The following RPL30 variants were observed in gnomAD, a reference collection of about 807,000 sequenced individuals.
The protein encoded by RPL30 is ribosomal protein L30.
For missense variants in RPL30, 60 were observed against 138.0 expected (o/e 0.43, Z 2.83); for synonymous variants, 40 against 50.4 (o/e 0.79, Z 0.87).
At chr8:98,042,484 T>C in intron 4 of RPL30, 161 bp downstream of exon 4, 2 of 669,774 alleles carry the variant, frequency 3.0e-6, no homozygotes, top group Non-Finnish European at 5.0e-6. Context: ...TTGGCATTCA[T>C]TACCAATTCT....
intron 3 of RPL30, chr8:98,044,520 CTA>C (rs1157415924): frequency 5.9e-6 from 1 of 168,618 alleles, no homozygotes; most frequent in Admixed American, 6.2e-5. Flanking sequence ...CTAGGTGATT[CTA>C]TGATAGCCTG....
chr8:98,042,378 C>A, intron 4 of RPL30: 1 of 424,950 alleles, frequency 2.4e-6, no homozygotes, highest in Non-Finnish European at 4.3e-6. Flanking sequence ...TCACCTTTTA[C>A]CAAATCTATG....
intron 3 of RPL30, 47 bp from the exon 4 acceptor site, chr8:98,042,822 C>A (rs1814403753): frequency 1.3e-6 from 2 of 1,507,524 alleles, no homozygotes; most frequent in Non-Finnish European, 1.8e-6. Flanking sequence ...TACCAAGTGA[C>A]TGACAGACTA....
At chr8:98,041,959 A>G in intron 4 of RPL30, 109 bp from the exon 5 acceptor site, 1 of 834,090 alleles carries the variant, frequency 1.2e-6, no homozygotes, top group Non-Finnish European at 2.0e-6. Context: ...ATGGTCTGCA[A>G]ATTAGCACTG....
chr8:98,041,887 TTCATTTAA>T (rs1488138353), intron 4 of RPL30, 37 bp from the exon 5 acceptor site: 2 of 1,391,676 alleles, frequency 1.4e-6, no homozygotes, highest in Non-Finnish European at 2.0e-6. Context: ...AATTTTACAA[TTCATTTAA>T]TAGCAACTGG....
At chr8:98,045,246 C>G in intron 2 of RPL30, 101 bp downstream of exon 2, 1 of 1,568,786 alleles carries the variant, frequency 6.4e-7, no homozygotes, top group Non-Finnish European at 8.8e-7. Context: ...CCTCCAAATG[C>G]CAGCAGGCAT....
At chr8:98,045,271 G>A (rs1251644875) in intron 2 of RPL30, 76 bp downstream of exon 2, 3 of 1,600,342 alleles carry the variant, frequency 1.9e-6, no homozygotes, top group Non-Finnish European at 2.6e-6. Context: ...TCACCCCCGT[G>A]GGCTCACATC....
chr8:98,042,509 TAC>T, intron 4 of RPL30, 134 bp downstream of exon 4: 1 of 822,404 alleles, frequency 1.2e-6, no homozygotes, highest in Admixed American at 2.6e-5. Context: ...AAAATACAAC[TAC>T]ACGATATGCC....
At position 98,042,673 on chromosome 8, in the gene RPL30, T is replaced by A; in HGVS notation, c.270A>T (p.Arg90Ser). The A allele has an allele frequency of 6.2e-7, 1 of 1,611,316 alleles. No individual in the cohort carries two copies. The highest frequency in any genetic ancestry group is 8.5e-7 in the Non-Finnish European group (1 of 1,178,842). The change falls in exon 4 of 5, where the codon AGA becomes AGT. Residue 90 changes from arginine (R) to serine (S), a missense_variant. By Grantham distance (110) the Arg-to-Ser change is moderately radical (BLOSUM62 -1). Coordinates refer to ENST00000287038, the MANE Select transcript of RPL30 (RefSeq NM_000989.4). Reference protein sequence around the residue: ...ELGTACGKYYRVCTLAIIDPG... With the variant: ...ELGTACGKYYSVCTLAIIDPG... ...GATCAATGATAGCCAGTGTGCACAC[T>A]CTGTAGTATTTTCCGCATGCTGTGC...
In RPL30 at chr8:98,042,629, GA is replaced by G; in HGVS notation, c.298+15del. The G allele has an allele frequency of 7.2e-7, 1 of 1,385,552 alleles. No homozygotes were observed. Among genetic ancestry groups the G allele is most frequent in the Non-Finnish European group, 1.0e-6 (1 of 990,446 alleles). 85.8% of individuals were successfully genotyped at this position (1,385,552 alleles called of 1,614,324 possible). On this transcript the variant is annotated intron_variant, in intron 4 of 4. Coordinates refer to ENST00000287038, the MANE Select transcript of RPL30 (RefSeq NM_000989.4). ...AAGGCAAAAAAAAAAAAGACTTTAT[GA>G]TTTAAAAAGCATACCTGGATCAATG... is the stretch of plus-strand genomic sequence containing the variant.
intron 3 of RPL30, 53 bp from the exon 4 acceptor site, chr8:98,042,828 G>A: frequency 2.0e-6 from 3 of 1,484,208 alleles, no homozygotes; most frequent in Non-Finnish European, 2.7e-6. Flanking sequence ...GTGACTGACA[G>A]ACTAAATGTT....
chr8:98,045,160 T>A, intron 2 of RPL30, 72 bp from the exon 3 acceptor site: 2 of 1,576,754 alleles, frequency 1.3e-6, no homozygotes, highest in African/African-American at 1.4e-5. Context: ...CCCAGCTTTT[T>A]GAAGCCGAGC....
Position 98,041,756 on chromosome 8 carries a change from T to C in RPL30, c.*45A>G, listed in dbSNP as rs776893366. On this transcript the variant is annotated 3_prime_UTR_variant, in exon 5 of 5. Transcript: ENST00000287038. ...AAGCAAATTTTATTAAAGGAAAATT[T>C]TGCAGGTTTAAGGTTTGCAGGTGAA... 7.6e-7 allele frequency: 1 copy of C among 1,319,892 alleles called. No individual in the cohort carries two copies. Among genetic ancestry groups the C allele is most frequent in the East Asian group, 2.3e-5 (1 of 43,252 alleles). The allele number at this position is 1,319,892 out of a possible 1,614,324, so 81.8% of individuals were successfully genotyped here.
intron 2 of RPL30, 112 bp downstream of exon 2, chr8:98,045,235 C>T (rs987561910): frequency 6.4e-7 from 1 of 1,557,818 alleles, no homozygotes. Flanking sequence ...CCTTCTGGGG[C>T]CCTCCAAATG....
intron 4 of RPL30, chr8:98,042,102 T>G (rs767105993): frequency 1.5e-6 from 1 of 655,292 alleles, no homozygotes; most frequent in South Asian, 1.4e-5. Context: ...CACCAGCATT[T>G]ATAAAACCAG....
chr8:98,041,916 T>C lies in RPL30; in HGVS notation c.299-66A>G, dbSNP rs1814383141. The C allele has an allele frequency of 3.4e-6, 4 of 1,178,242 alleles. No individual in the cohort carries two copies. In the African/African-American group the frequency reaches 4.6e-5, roughly 14 times the overall value. 73.0% of individuals were successfully genotyped at this position (1,178,242 alleles called of 1,614,324 possible). A position where few individuals can be genotyped will look rare whatever the true frequency, so the allele number is the denominator to read the frequency against. On this transcript the variant is annotated intron_variant, in intron 4 of 4. Coordinates refer to ENST00000287038, the MANE Select transcript of RPL30 (RefSeq NM_000989.4). ...TTTAATAGCAACTGGTACCATAAAA[T>C]TTCTCTACCTTTGGTTATCCCTTCT...
At chr8:98,044,593 C>A in intron 3 of RPL30, 1 of 213,090 alleles carries the variant, frequency 4.7e-6, no homozygotes, top group South Asian at 1.0e-4. Context: ...AACAAGTTCA[C>A]ACAATGAAGC....
intron 2 of RPL30, 105 bp from the exon 3 acceptor site, chr8:98,045,193 G>T: frequency 1.3e-6 from 2 of 1,544,504 alleles, no homozygotes; most frequent in Non-Finnish European, 1.8e-6. Flanking sequence ...CGAAGTCGAG[G>T]ACCCCAAGTC....
intron 4 of RPL30, 116 bp from the exon 5 acceptor site, chr8:98,041,966 A>G (rs1814383772): frequency 2.5e-6 from 2 of 810,812 alleles, no homozygotes; most frequent in East Asian, 2.5e-5. Context: ...GCAAATTAGC[A>G]CTGACTTTTT....
Sources: allele counts gnomAD v4.1 joint callset, GRCh38; gene constraint gnomAD v4.1.1; transcripts MANE v1.5; gene names NCBI Gene and HGNC (gene_info 2026-07-23, HGNC 2026-07-21).